Variants in VPS13B observed in about 807,000 individuals in gnomAD.
VPS13B encodes intermembrane lipid transfer protein VPS13B.
A neutral mutation model predicts 426.4 loss-of-function variants in VPS13B; 285 were observed. That is an observed-to-expected ratio of 0.67 (90% CI 0.61 to 0.74). The LOEUF (loss-of-function observed/expected upper bound fraction) is 0.74. Among genes scored for constraint, VPS13B ranks in the 30% least tolerant of loss-of-function variants. The pLI is 0.00. For synonymous variants in VPS13B, 1,676 were observed against 1,676.4 expected, an observed-to-expected ratio of 1.00 and a Z score of 0.01; for missense variants, 4,537 against 4,782.6, an observed-to-expected ratio of 0.95 and a Z score of 1.51.
rs189692164 is a variant in VPS13B at position 99,556,758 on chromosome 8, T to G, written c.4949+105T>G. 3.1e-3 allele frequency: 3,766 copies of G among 1,233,082 alleles called. 14 individuals are homozygous for G. Among genetic ancestry groups the G allele is most frequent in the Non-Finnish European group, 3.0e-3 (2,590 of 860,876 alleles). The allele number at this position is 1,233,082 out of a possible 1,614,324, so 76.4% of individuals were successfully genotyped here. On this transcript the variant is annotated intron_variant, in intron 31 of 61. Transcript: ENST00000357162. The stretch of plus-strand genomic sequence containing the variant: ...CCAACCAACCTAAGTATTTTGGTAT[T>G]GCTTCTGCTTTTCATTATAAGCATA...
chr8:99,389,364 G>A (rs1814298377), intron 20 of VPS13B, among the ~76,000 whole-genome samples: 1 of 152,002 alleles, frequency 6.6e-6, no homozygotes, highest in Non-Finnish European at 1.5e-5. Flanking sequence ...TTATTATATA[G>A]TTGACCCTAG....
In VPS13B at chr8:99,871,524, G is replaced by A. The variant is rs910829293; in HGVS notation, c.11572G>A (p.Glu3858Lys). Residue 3858 changes from glutamate (E) to lysine (K), a missense_variant, in exon 61 of 62, where the codon GAG (glutamate) becomes AAG (lysine). This residue lies in a region of VPS13B where 4,311 missense variants were observed against 4,474.3 expected (regional missense o/e 0.96). Transcript: ENST00000357162. ...DVVLVRGSGQ[E>K]HEGCLLLTSE... is the part of the protein sequence containing the mutation. ...GGTTCTGGTGAGGGGCTCAGGCCAG[G>A]AGCATGAAGGGTGCTTGCTGCTGAC... 21 of 1,614,228 alleles carry A rather than the reference G, an allele frequency of 1.3e-5. No individual in the cohort carries two copies. The highest frequency in any genetic ancestry group is 1.8e-5 in the Non-Finnish European group (21 of 1,180,038).
At chr8:99,028,993 C>T (rs1213698763) in intron 2 of VPS13B, among the ~76,000 whole-genome samples, 6 of 150,448 alleles carry the variant, frequency 4.0e-5, no homozygotes, top group African/African-American at 9.8e-5. Flanking sequence ...GGGCGGCTGC[C>T]GGGCGGAGGG....
chr8:99,859,327 A>G lies in VPS13B; in HGVS notation c.10891A>G (p.Ile3631Val), dbSNP rs763022185. Residue 3631 changes from isoleucine (I) to valine (V), a missense_variant, in exon 57 of 62, where the codon ATT becomes GTT. Transcript: ENST00000357162. Reference protein sequence around the residue: ...RAGWVVGSLDILGSPASLVRS... With the variant: ...RAGWVVGSLDVLGSPASLVRS... ...AGGCTGGGTAGTTGGGTCTCTGGAT[A>G]TTCTTGGCAGCCCTGCAAGCCTGGT... The G allele has an allele frequency of 2.5e-6, 4 of 1,613,716 alleles. No individual in the cohort carries two copies. Among genetic ancestry groups the G allele is most frequent in the Non-Finnish European group, 3.4e-6 (4 of 1,179,928 alleles).
At chr8:99,525,315 CTGTT>C (rs768361350) in intron 30 of VPS13B, among the ~76,000 whole-genome samples, 50 of 152,094 alleles carry the variant, frequency 3.3e-4, no homozygotes, top group African/African-American at 7.0e-4. Context: ...TTCTCTTTGC[CTGTT>C]TGTTTGTTTA....
At chr8:99,502,985 A>G in intron 27 of VPS13B, 35 bp downstream of exon 27, 1 of 1,498,234 alleles carries the variant, frequency 6.7e-7, no homozygotes, top group Non-Finnish European at 9.3e-7. Context: ...GAAAATCTGT[A>G]TTTTTCTTTG....
At chr8:99,381,407 T>G (rs559751422) in intron 19 of VPS13B, among the ~76,000 whole-genome samples, 1 of 152,282 alleles carries the variant, frequency 6.6e-6, no homozygotes, top group South Asian at 2.1e-4. Context: ...TTATATGGTT[T>G]TGGGTATATA....
intron 54 of VPS13B, among the ~76,000 whole-genome samples, chr8:99,846,758 C>T (rs1399820584): frequency 6.6e-6 from 1 of 152,192 alleles, no homozygotes; most frequent in Non-Finnish European, 1.5e-5. Flanking sequence ...TTAACAGAAA[C>T]CATCACCTTA....
At chr8:99,503,164 A>C (rs907884373) in intron 27 of VPS13B, among the ~76,000 whole-genome samples, 8 of 152,208 alleles carry the variant, frequency 5.3e-5, no homozygotes, top group African/African-American at 1.7e-4. Context: ...AGTGTATATA[A>C]AGTTGTGTTT....
chr8:99,458,352 A>T (rs1182673840), intron 23 of VPS13B, among the ~76,000 whole-genome samples: 1 of 151,082 alleles, frequency 6.6e-6, no homozygotes, highest in Admixed American at 6.7e-5. Flanking sequence ...AGTCTTTGCT[A>T]TTGCGAATAG....
At chr8:99,827,304 G>A (rs966955239) in intron 51 of VPS13B, among the ~76,000 whole-genome samples, 1 of 152,162 alleles carries the variant, frequency 6.6e-6, no homozygotes, top group South Asian at 2.1e-4. Context: ...TTAAGAGGGT[G>A]TATGTGTCCA....
At chr8:99,431,458 A>G in intron 21 of VPS13B, 79 bp from the exon 22 acceptor site, 1 of 1,532,480 alleles carries the variant, frequency 6.5e-7, no homozygotes, top group South Asian at 1.2e-5. Flanking sequence ...GAAAGAAACA[A>G]TCTTGAAAAT....
At chr8:99,096,275 C>A in intron 3 of VPS13B, 37 bp from the exon 4 acceptor site, 2 of 1,611,480 alleles carry the variant, frequency 1.2e-6, no homozygotes, top group South Asian at 1.1e-5. Flanking sequence ...TGAGTATGAT[C>A]GATGGTTTTC....
At chr8:99,262,078 A>T (rs577192014) in intron 17 of VPS13B, among the ~76,000 whole-genome samples, 5 of 152,274 alleles carry the variant, frequency 3.3e-5, no homozygotes, top group Admixed American at 6.5e-5. Context: ...GATTTCTGAG[A>T]TGCAAGTGGG....
chr8:99,575,535 C>G (rs895082355), intron 31 of VPS13B, 123 bp from the exon 32 acceptor site: 1 of 1,134,142 alleles, frequency 8.8e-7, no homozygotes, highest in Non-Finnish European at 1.3e-6. Context: ...TGCAAATAGG[C>G]ACTCTCAAAA....
chr8:99,456,417 C>T (rs1353116703), intron 23 of VPS13B, among the ~76,000 whole-genome samples: 1 of 152,124 alleles, frequency 6.6e-6, no homozygotes, highest in African/African-American at 2.4e-5. Context: ...GATCTGCCCA[C>T]CTTGGCCTCC....
Position 99,064,146 on chromosome 8 carries a change from G to T in VPS13B, c.291+25580G>T, listed in dbSNP as rs570358042. On this transcript the variant is annotated intron_variant, in intron 3 of 61. Transcript: ENST00000357162. ...AAAGGTAGATAAAACCACAAAGATGGGGAGAAACCAGAGCAGAAAGCTGAA... is the reference window on the plus strand; with the variant it reads ...AAAGGTAGATAAAACCACAAAGATGTGGAGAAACCAGAGCAGAAAGCTGAA... 2.5e-4 allele frequency among the ~76,000 whole-genome samples: 38 copies of T among 152,248 alleles called. 1 individual carries two copies. The East Asian group carries it at 5.6e-3, about 22-fold the overall frequency.
In VPS13B at chr8:99,572,984, T is replaced by C. The variant is rs1176512707; in HGVS notation, c.4950-2674T>C. ...CACCTGTTGTTTCCTGACTTTTTAA[T>C]GATTGCCATTCTAACTGGTGTGAGA... On this transcript the variant is annotated intron_variant, in intron 31 of 61. Coordinates refer to ENST00000357162, the MANE Select transcript of VPS13B (RefSeq NM_152564.5). 4.6e-5 allele frequency among the ~76,000 whole-genome samples: 7 copies of C among 152,238 alleles called. No individual in the cohort carries two copies. In the East Asian group the frequency reaches 1.3e-3, roughly 29 times the overall value.
At chr8:99,363,053 G>A (rs1812655971) in intron 19 of VPS13B, among the ~76,000 whole-genome samples, 1 of 152,122 alleles carries the variant, frequency 6.6e-6, no homozygotes, top group African/African-American at 2.4e-5. Flanking sequence ...TGCTTGTGGG[G>A]TATTACTCAA....
Sources: allele counts gnomAD v4.1 joint callset (sites outside exome capture counted in the v4.1 genomes callset), GRCh38; gene constraint gnomAD v4.1.1; regional missense constraint gnomAD v4.1.1; transcripts MANE v1.5; gene names NCBI Gene and HGNC (gene_info 2026-07-23, HGNC 2026-07-21).